The following ERG variants were observed in gnomAD, a reference collection of about 807,000 sequenced individuals.
ERG encodes the protein transcriptional regulator ERG.
A neutral mutation model predicts 55.3 loss-of-function variants in ERG; 9 were observed. The ratio of observed to expected loss-of-function variants is 0.16; its 90% CI spans 0.10 to 0.28. ERG has a LOEUF of 0.28. Ranked by LOEUF, ERG falls within the 10% of genes least tolerant of loss-of-function variation. ERG has a pLI of 1.00. For synonymous variants in ERG, 223 were observed against 237.3 expected, an observed-to-expected ratio of 0.94 and a Z score of 0.55; for missense variants, 434 against 631.6, an observed-to-expected ratio of 0.69 and a Z score of 3.35.
Position 38,381,867 on chromosome 21 carries a change from C to A in ERG, c.*1536G>T. On this transcript the variant is annotated 3_prime_UTR_variant, in exon 10 of 10. Coordinates refer to ENST00000288319, the MANE Select transcript of ERG (RefSeq NM_182918.4). Reference sequence around the variant, plus strand: ...GGGAGGCAAGAAGGACCTGGAGAGGCTGACGCCATTTGGGTGCCAAACATC... The same window carrying A: ...GGGAGGCAAGAAGGACCTGGAGAGGATGACGCCATTTGGGTGCCAAACATC... The A allele has an allele frequency of 9.4e-7, 1 of 1,063,770 alleles. No homozygotes were observed. Among genetic ancestry groups the A allele is most frequent in the Non-Finnish European group, 1.1e-6 (1 of 878,282 alleles). 65.9% of individuals were successfully genotyped at this position (1,063,770 alleles called of 1,614,324 possible).
At chr21:38,396,059 G>A (rs574087448) in intron 6 of ERG, among the ~76,000 whole-genome samples, 1 of 152,302 alleles carries the variant, frequency 6.6e-6, no homozygotes, top group East Asian at 1.9e-4. Context: ...TGGCTGGGCT[G>A]GATGGGAACA....
At chr21:38,539,501 T>A (rs1466057396) in intron 2 of ERG, among the ~76,000 whole-genome samples, 1 of 152,220 alleles carries the variant, frequency 6.6e-6, no homozygotes, top group Non-Finnish European at 1.5e-5. Flanking sequence ...ATTACATGAT[T>A]CACATCCTAT....
chr21:38,493,522 A>AT (rs1335566785), intron 1 of ERG, among the ~76,000 whole-genome samples: 1 of 152,192 alleles, frequency 6.6e-6, no homozygotes, highest in Non-Finnish European at 1.5e-5. Flanking sequence ...TACCATAAGA[A>AT]TTTTTTATGT....
upstream of ERG, among the ~76,000 whole-genome samples, chr21:38,502,272 T>A (rs1187632657): frequency 6.6e-6 from 1 of 152,254 alleles, no homozygotes; most frequent in Admixed American, 6.5e-5. Context: ...AAAACTGCTC[T>A]GATATTTTAC....
intron 2 of ERG, among the ~76,000 whole-genome samples, chr21:38,572,521 A>T (rs550890490): frequency 6.6e-6 from 1 of 152,264 alleles, no homozygotes; most frequent in East Asian, 1.9e-4. Flanking sequence ...TATCCTCCCA[A>T]CTTTGTTGTC....
intron 1 of ERG, among the ~76,000 whole-genome samples, chr21:38,616,820 G>A (rs2060262086): frequency 6.6e-6 from 1 of 152,086 alleles, no homozygotes; most frequent in South Asian, 2.1e-4. Context: ...CTTCGTCCAT[G>A]GGGCTTGCTC....
intron 1 of ERG, among the ~76,000 whole-genome samples, chr21:38,466,963 C>T (rs576607452): frequency 1.7e-4 from 26 of 152,284 alleles, no homozygotes; most frequent in African/African-American, 5.5e-4. Context: ...TTACATCCTG[C>T]AAAGAGGGAC....
At chr21:38,505,024 T>C (rs2059449617) in intron 2 of ERG, among the ~76,000 whole-genome samples, 1 of 152,216 alleles carries the variant, frequency 6.6e-6, no homozygotes, top group Non-Finnish European at 1.5e-5. Flanking sequence ...GCATTAATAA[T>C]TTTTCCTGCT....
chr21:38,473,343 T>C (rs2059157802), intron 1 of ERG, among the ~76,000 whole-genome samples: 1 of 152,042 alleles, frequency 6.6e-6, no homozygotes, highest in African/African-American at 2.4e-5. Flanking sequence ...TTCCTTTATC[T>C]TGTCCAGCTT....
At chr21:38,536,041 G>C (rs1335718584) in intron 2 of ERG, among the ~76,000 whole-genome samples, 1 of 152,040 alleles carries the variant, frequency 6.6e-6, no homozygotes, top group African/African-American at 2.4e-5. Flanking sequence ...ACATCTGACG[G>C]CAAGTGTTAT....
At chr21:38,469,549 T>TAAC (rs147228921) in intron 1 of ERG, among the ~76,000 whole-genome samples, 2,760 of 152,348 alleles carry the variant, frequency 0.018, 42 homozygotes, top group East Asian at 0.077. Context: ...ATCATTGTAT[T>TAAC]AACTGCTTTG....
chr21:38,480,369 G>C (rs1248078168), intron 1 of ERG, among the ~76,000 whole-genome samples: 3 of 152,074 alleles, frequency 2.0e-5, no homozygotes, highest in Non-Finnish European at 2.9e-5. Flanking sequence ...CGGAGCTGGA[G>C]GAGGCACCAG....
chr21:38,444,925 C>A (rs1239845912), intron 2 of ERG, among the ~76,000 whole-genome samples: 1 of 152,102 alleles, frequency 6.6e-6, no homozygotes, highest in Non-Finnish European at 1.5e-5. Context: ...GCAATCAAAC[C>A]TCAGATGAAT....
At chr21:38,494,712 T>C (rs758277739) in intron 1 of ERG, among the ~76,000 whole-genome samples, 1 of 152,244 alleles carries the variant, frequency 6.6e-6, no homozygotes, top group Non-Finnish European at 1.5e-5. Context: ...TCTGAGAGCA[T>C]TGCAGTCCTG....
At chr21:38,615,899 A>G (rs2060256201) in intron 1 of ERG, among the ~76,000 whole-genome samples, 1 of 152,074 alleles carries the variant, frequency 6.6e-6, no homozygotes, top group Admixed American at 6.6e-5. Flanking sequence ...AGAGTCAGCA[A>G]CAGCTTCTCT....
upstream of ERG, among the ~76,000 whole-genome samples, chr21:38,587,417 G>A (rs1157948370): frequency 6.6e-6 from 1 of 151,156 alleles, no homozygotes; most frequent in Non-Finnish European, 1.5e-5. Context: ...GGAGTGCAGT[G>A]GCACGATCTT....
At chr21:38,512,386 G>A (rs937242434) in intron 2 of ERG, among the ~76,000 whole-genome samples, 3 of 152,190 alleles carry the variant, frequency 2.0e-5, no homozygotes, top group Non-Finnish European at 4.4e-5. Context: ...TTTATCCTTT[G>A]TCTCCGCAAT....
At chr21:38,555,607 C>T (rs2059853811) in intron 2 of ERG, among the ~76,000 whole-genome samples, 1 of 151,912 alleles carries the variant, frequency 6.6e-6, no homozygotes, top group African/African-American at 2.4e-5. Context: ...TTGAAATATG[C>T]ACTATGTCTG....
intron 1 of ERG, among the ~76,000 whole-genome samples, chr21:38,464,031 T>C (rs1034911901): frequency 4.6e-5 from 7 of 152,098 alleles, no homozygotes; most frequent in Non-Finnish European, 1.0e-4. Context: ...GATTCAGAAA[T>C]GGTAAAAACT....
Sources: gnomAD v4.1 joint callset for allele counts (sites outside exome capture counted in the v4.1 genomes callset) on GRCh38, gnomAD v4.1.1 for gene constraint, MANE v1.5 for transcripts, NCBI Gene and HGNC (gene_info 2026-07-23, HGNC 2026-07-21) for gene names.